TOR2A: variants seen among roughly 807,000 people sequenced by gnomAD.
The protein encoded by TOR2A is torsin family 2 member A, also known as prosalusin.
Under a neutral mutation model 28.6 loss-of-function variants are expected in TOR2A, and 24 were observed. That is an observed-to-expected ratio of 0.84 (90% confidence interval 0.61 to 1.18). The LOEUF is 1.18. Among genes scored for constraint, TOR2A ranks in the 50% most tolerant of loss-of-function variants. The pLI, the probability that TOR2A is intolerant of heterozygous loss-of-function variation, is 0.00. For missense variants in TOR2A, 426 were observed against 448.1 expected (o/e 0.95, Z 0.45); for synonymous variants, 203 against 203.1 (o/e 1.00, Z 0.00).
chr9:127,733,350 C>T (rs1844546138), intron 3 of TOR2A, 35 bp downstream of exon 3: 4 of 1,613,450 alleles, frequency 2.5e-6, no homozygotes, highest in Non-Finnish European at 3.4e-6. Context: ...GAGAAGTGGC[C>T]CCCCCACTGT....
intron 2 of TOR2A, 122 bp from the exon 3 acceptor site, chr9:127,733,682 C>T (rs1261776674): frequency 4.6e-6 from 4 of 874,940 alleles, no homozygotes; most frequent in Non-Finnish European, 6.8e-6. Flanking sequence ...GAGCACCAAC[C>T]TCTTAGTGAG....
intron 3 of TOR2A, 37 bp downstream of exon 3, chr9:127,733,348 G>GC (rs762063830): frequency 2.0e-5 from 33 of 1,613,406 alleles, no homozygotes; most frequent in African/African-American, 5.3e-5. Context: ...CTGAGAAGTG[G>GC]CCCCCCCACT....
chr9:127,731,944 C>T lies in TOR2A; in HGVS notation c.*90G>A, dbSNP rs1016906814. ...GGCCTAGCCGACACTCCGTTCATCT[C>T]ACTTGGTGCTCTGGGTTCCTGTGAC... On this transcript the variant is annotated 3_prime_UTR_variant, in exon 5 of 5. Transcript: ENST00000373284. The T allele has an allele frequency of 5.2e-6, 8 of 1,528,976 alleles. No individual in the cohort carries two copies. In the South Asian group the frequency reaches 1.0e-4, roughly 20 times the overall value. 94.7% of individuals were successfully genotyped at this position (1,528,976 alleles called of 1,614,324 possible).
At chr9:127,733,840 C>G in intron 2 of TOR2A, 1 of 485,800 alleles carries the variant, frequency 2.1e-6, no homozygotes, top group Non-Finnish European at 3.7e-6. Context: ...AAGGGGAAGG[C>G]TCCTTCCTGC....
Position 127,734,564 on chromosome 9 carries a change from C to T in TOR2A, c.152G>A (p.Gly51Asp). The change falls in exon 2 of 5, where the codon GGT (glycine) becomes GAT (aspartate). Residue 51 changes from glycine to aspartate, a missense_variant and splice_region_variant. Gly to Asp is a moderately conservative substitution (Grantham distance 94, BLOSUM62 -1). Transcript: ENST00000373284. Reference protein sequence around the residue: ...CECDFRPDLPGLECDLAQHLA... With the variant: ...CECDFRPDLPDLECDLAQHLA... The stretch of plus-strand genomic sequence containing the variant: ...GTGCTGAGCCAGGTCACACTCCAGA[C>T]CTAGGGCCACAGGAGGATGGTGAGG... 1 of 1,506,670 alleles carries T rather than the reference C, an allele frequency of 6.6e-7. No individual in the cohort carries two copies. Among genetic ancestry groups the T allele is most frequent in the South Asian group, 1.3e-5 (1 of 75,296 alleles). The allele number at this position is 1,506,670 out of a possible 1,614,324, so 93.3% of individuals were successfully genotyped here. A position where few individuals can be genotyped will look rare whatever the true frequency, so the allele number is the denominator to read the frequency against.
At position 127,734,439 on chromosome 9, in the gene TOR2A, C is replaced by A. The variant is rs764627390; in HGVS notation, c.277G>T (p.Gly93Cys). The A allele has an allele frequency of 5.6e-6, 9 of 1,611,880 alleles. No homozygotes were observed. The South Asian group carries it at 6.6e-5, about 12-fold the overall frequency. Residue 93 changes from glycine (G) to cysteine (C), a missense_variant, in exon 2 of 5, where the codon GGC becomes TGC. Transcript: ENST00000373284. ...TAGGATTTGCCGGTGCCGGTCCAGC[C>A]GTGCAGGGAGAGGACCAGCGGCTTG... ...PTKPLVLSLH[G>C]WTGTGKSYVS...
chr9:127,735,218 A>G lies in TOR2A; in HGVS notation c.53T>C (p.Leu18Pro). ...CRPWGSLLGLLGLVSAAAAAW... is the reference protein window; with the variant it reads ...CRPWGSLLGLPGLVSAAAAAW... ...GGCGGCCGCGGCCGAGACCAGCCCGAGCAGCCCGAGGAGCGAGCCCCAGGG... is the reference window on the plus strand; with the variant it reads ...GGCGGCCGCGGCCGAGACCAGCCCGGGCAGCCCGAGGAGCGAGCCCCAGGG... The change falls in exon 1 of 5, where the codon CTC (leucine) becomes CCC (proline). Residue 18 changes from leucine to proline, a missense_variant. Coordinates refer to ENST00000373284, the MANE Select transcript of TOR2A (RefSeq NM_001085347.3). 1 of 1,475,774 alleles carries G rather than the reference A, an allele frequency of 6.8e-7. No individual in the cohort carries two copies. The highest frequency in any genetic ancestry group is 8.9e-7 in the Non-Finnish European group (1 of 1,121,664). 91.4% of individuals were successfully genotyped at this position (1,475,774 alleles called of 1,614,324 possible).
At chr9:127,733,346 T>C (rs900625367) in intron 3 of TOR2A, 39 bp downstream of exon 3, 1 of 1,613,412 alleles carries the variant, frequency 6.2e-7, no homozygotes, top group African/African-American at 1.3e-5. Context: ...CTCTGAGAAG[T>C]GGCCCCCCCA....
chr9:127,732,495 C>T, intron 4 of TOR2A, 69 bp downstream of exon 4: 4 of 1,495,396 alleles, frequency 2.7e-6, no homozygotes, highest in Non-Finnish European at 3.6e-6. Context: ...AAGCATGAGA[C>T]CCCGGGAGAG....
At chr9:127,734,594 A>G in intron 1 of TOR2A, 30 bp from the exon 2 acceptor site, 1 of 1,472,812 alleles carries the variant, frequency 6.8e-7, no homozygotes, top group Non-Finnish European at 9.0e-7. Flanking sequence ...GTGAGGACAC[A>G]TCCCACCGAG....
At chr9:127,733,812 A>C in intron 2 of TOR2A, 1 of 525,064 alleles carries the variant, frequency 1.9e-6, no homozygotes, top group South Asian at 2.7e-5. Context: ...CTTCCACGAC[A>C]CTTGCTGCTT....
chr9:127,734,940 G>T, intron 1 of TOR2A, 180 bp downstream of exon 1: 1 of 937,316 alleles, frequency 1.1e-6, no homozygotes, highest in East Asian at 3.3e-5. Flanking sequence ...AGGTTGGCAG[G>T]GCCTCCTGGA....
intron 2 of TOR2A, 85 bp downstream of exon 2, chr9:127,734,214 G>A (rs1844587835): frequency 4.7e-6 from 7 of 1,477,462 alleles, no homozygotes; most frequent in Non-Finnish European, 3.6e-6. Context: ...CCTGGAGCAG[G>A]TGACTCCCCT....
intron 3 of TOR2A, 183 bp from the exon 4 acceptor site, chr9:127,732,874 C>T (rs940932154): frequency 4.2e-6 from 6 of 1,426,130 alleles, no homozygotes; most frequent in Non-Finnish European, 5.5e-6. Flanking sequence ...CTGTAATTCA[C>T]CTACACATGC....
At position 127,734,447 on chromosome 9, in the gene TOR2A, G is replaced by T. The variant is rs762510779; in HGVS notation, c.269C>A (p.Ser90Tyr). Residue 90 changes from serine to tyrosine, a missense_variant, in exon 2 of 5, where the codon TCC becomes TAC. Coordinates refer to ENST00000373284, the MANE Select transcript of TOR2A (RefSeq NM_001085347.3). ...DPAPTKPLVL[S>Y]LHGWTGTGKS... ...GCCGGTGCCGGTCCAGCCGTGCAGG[G>T]AGAGGACCAGCGGCTTGGTGGGGGC... is the stretch of plus-strand genomic sequence containing the variant. 1.9e-6 allele frequency: 3 copies of T among 1,611,162 alleles called. No individual in the cohort carries two copies. Among genetic ancestry groups the T allele is most frequent in the African/African-American group, 2.7e-5 (2 of 74,996 alleles).
rs992442963 is a variant in TOR2A, at chr9:127,735,273, G to T, written c.-3C>A. 2 of 1,388,970 alleles carry T rather than the reference G, an allele frequency of 1.4e-6. No individual in the cohort carries two copies. The highest frequency in any genetic ancestry group is 9.3e-7 in the Non-Finnish European group (1 of 1,080,914). 86.0% of individuals were successfully genotyped at this position (1,388,970 alleles called of 1,614,324 possible). On this transcript the variant is annotated 5_prime_UTR_variant, in exon 1 of 5. Transcript: ENST00000373284. Reference sequence around the variant, plus strand: ...CAGCCGCGCGTCGCAGCCGCCATCCGGGTGAGGCCCGAGCTCGTTGTGGGG... The same window carrying T: ...CAGCCGCGCGTCGCAGCCGCCATCCTGGTGAGGCCCGAGCTCGTTGTGGGG...
Position 127,732,589 on chromosome 9 carries a change from G to A in TOR2A, c.696C>T (p.Ser232=). The change falls in exon 4 of 5, where the codon TCC becomes TCT. Residue 232 remains serine, a synonymous_variant. Coordinates refer to ENST00000373284, the MANE Select transcript of TOR2A (RefSeq NM_001085347.3). ...ILLQELEPVI[S]RAVLDNPHHG... is the part of the protein sequence containing the mutation. ...GGTGCGGGTTGTCCAGCACCGCGCGGGAGATGACCGGCTCCAGCTCCTGCA... is the reference window on the plus strand; with the variant it reads ...GGTGCGGGTTGTCCAGCACCGCGCGAGAGATGACCGGCTCCAGCTCCTGCA... 6.3e-7 allele frequency: 1 copy of A among 1,590,152 alleles called. No homozygotes were observed. Among genetic ancestry groups the A allele is most frequent in the African/African-American group, 1.3e-5 (1 of 74,862 alleles).
chr9:127,732,284 G>C lies in TOR2A; in HGVS notation c.722-6C>G. 1 of 1,570,518 alleles carries C rather than the reference G, an allele frequency of 6.4e-7. No homozygotes were observed. Among genetic ancestry groups the C allele is most frequent in the Non-Finnish European group, 8.7e-7 (1 of 1,154,142 alleles). Reference sequence around the variant, plus strand: ...GCCCGAGTTTGAGAAGCCATCTGCAGGAAGGGTAGGTGGGGAGGGGACTTT... The same window carrying C: ...GCCCGAGTTTGAGAAGCCATCTGCACGAAGGGTAGGTGGGGAGGGGACTTT... On this transcript the variant is annotated splice_polypyrimidine_tract_variant and splice_region_variant and intron_variant, in intron 4 of 4. Coordinates refer to ENST00000373284, the MANE Select transcript of TOR2A (RefSeq NM_001085347.3).
intron 4 of TOR2A, 135 bp downstream of exon 4, chr9:127,732,429 A>G (rs1012854086): frequency 5.9e-5 from 85 of 1,446,734 alleles, no homozygotes; most frequent in Non-Finnish European, 7.6e-5. Flanking sequence ...GGCTCACCCA[A>G]AGTCACAAAG....
Sources: allele counts gnomAD v4.1 joint callset, GRCh38; gene constraint gnomAD v4.1.1; transcripts MANE v1.5; gene names NCBI Gene and HGNC (gene_info 2026-07-23, HGNC 2026-07-21).